CCDC178: variants seen among roughly 807,000 people sequenced by gnomAD.
The protein encoded by CCDC178 is coiled-coil domain containing 178.
Under a neutral mutation model 117.4 loss-of-function variants are expected in CCDC178, and 126 were observed. The ratio of observed to expected loss-of-function variants is 1.07; its 90% confidence interval spans 0.93 to 1.24. The LOEUF (loss-of-function observed/expected upper bound fraction) is 1.24, where lower values mean the gene tolerates loss of function less well. Ranked by LOEUF, CCDC178 falls within the 50% of genes most tolerant of loss-of-function variation. The pLI is 0.00. For missense variants in CCDC178, 1,030 were observed against 986.9 expected (o/e 1.04, Z -0.59); for synonymous variants, 283 against 313.4 (o/e 0.90, Z 1.02).
intron 14 of CCDC178, among the ~76,000 whole-genome samples, chr18:33,252,820 C>T (rs1014154853): frequency 1.3e-5 from 2 of 151,680 alleles, no homozygotes; most frequent in African/African-American, 4.8e-5. Flanking sequence ...TGGCTCACTG[C>T]AGTTACAATG....
intron 20 of CCDC178, among the ~76,000 whole-genome samples, chr18:33,203,518 C>G (rs2059015964): frequency 6.6e-6 from 1 of 152,010 alleles, no homozygotes; most frequent in Admixed American, 6.6e-5. Flanking sequence ...ATAATGACTT[C>G]ATTATCTTAT....
chr18:33,154,982 T>C (rs1777297978), intron 20 of CCDC178, among the ~76,000 whole-genome samples: 1 of 152,148 alleles, frequency 6.6e-6, no homozygotes, highest in African/African-American at 2.4e-5. Context: ...AAAAAAATCA[T>C]GAAGTTTATA....
chr18:32,960,782 C>T lies in CCDC178; in HGVS notation c.2523+13765G>A, dbSNP rs537917377. On this transcript the variant is annotated intron_variant, in intron 22 of 22. Coordinates refer to ENST00000383096, the MANE Select transcript of CCDC178 (RefSeq NM_001105528.4). Reference sequence around the variant, plus strand: ...GTCAATTTCACCACTTGGGATTAATCCTGCACGAACTTTCTAATTATGTTC... The same window carrying T: ...GTCAATTTCACCACTTGGGATTAATTCTGCACGAACTTTCTAATTATGTTC... 2.0e-5 allele frequency among the ~76,000 whole-genome samples: 3 copies of T among 152,150 alleles called. 1 individual carries two copies. In the South Asian group the frequency reaches 6.2e-4, roughly 32 times the overall value.
chr18:32,951,257 T>G (rs866114806), intron 22 of CCDC178, among the ~76,000 whole-genome samples: 1 of 152,204 alleles, frequency 6.6e-6, no homozygotes, highest in African/African-American at 2.4e-5. Flanking sequence ...CTTTTTATTA[T>G]TATAAATTTA....
chr18:33,249,020 A>G (rs1247880054), intron 14 of CCDC178, among the ~76,000 whole-genome samples: 26 of 152,274 alleles, frequency 1.7e-4, no homozygotes, highest in Admixed American at 1.2e-3. Context: ...ATGGCCAGTG[A>G]TGATGAGCAT....
chr18:33,052,932 C>T (rs1218253897), intron 21 of CCDC178, among the ~76,000 whole-genome samples: 3 of 152,132 alleles, frequency 2.0e-5, no homozygotes, highest in South Asian at 4.1e-4. Flanking sequence ...ATGTCCTTCC[C>T]TAGAAGATGC....
intron 2 of CCDC178, among the ~76,000 whole-genome samples, chr18:33,436,243 A>C (rs1289376127): frequency 6.6e-6 from 1 of 152,186 alleles, no homozygotes; most frequent in Admixed American, 6.5e-5. Flanking sequence ...AAAAAATACA[A>C]ACATGTCCAT....
intron 15 of CCDC178, among the ~76,000 whole-genome samples, chr18:33,229,739 T>C (rs909163162): frequency 6.6e-6 from 1 of 152,160 alleles, no homozygotes; most frequent in African/African-American, 2.4e-5. Context: ...AGGGCCTCCT[T>C]TAACATGAGG....
At chr18:33,112,263 A>G (rs1452214445) in intron 20 of CCDC178, among the ~76,000 whole-genome samples, 1 of 151,904 alleles carries the variant, frequency 6.6e-6, no homozygotes, top group Non-Finnish European at 1.5e-5. Context: ...CCACAGCCTC[A>G]GTCTCCTTCC....
intron 11 of CCDC178, among the ~76,000 whole-genome samples, chr18:33,294,239 T>C (rs1306265622): frequency 6.6e-6 from 1 of 152,144 alleles, no homozygotes; most frequent in African/African-American, 2.4e-5. Flanking sequence ...GTTATGGTTG[T>C]TTAATGGAGC....
At chr18:33,422,505 T>C (rs963124092) in intron 2 of CCDC178, among the ~76,000 whole-genome samples, 3 of 152,188 alleles carry the variant, frequency 2.0e-5, no homozygotes, top group African/African-American at 7.2e-5. Flanking sequence ...AATAGAACTT[T>C]CATGATGAAA....
At chr18:33,385,880 C>T (rs1361499461) in intron 5 of CCDC178, among the ~76,000 whole-genome samples, 1 of 152,124 alleles carries the variant, frequency 6.6e-6, no homozygotes. Context: ...AAGAGATAAA[C>T]ACATAAACAT....
At chr18:33,248,421 C>A (rs577923905) in intron 14 of CCDC178, among the ~76,000 whole-genome samples, 6 of 138,170 alleles carry the variant, frequency 4.3e-5, no homozygotes, top group Non-Finnish European at 6.3e-5. Flanking sequence ...ATCCCTCCCC[C>A]TTCCCTCACC....
At chr18:33,340,723 G>T (rs2062806072) in intron 9 of CCDC178, among the ~76,000 whole-genome samples, 2 of 152,228 alleles carry the variant, frequency 1.3e-5, no homozygotes, top group African/African-American at 4.8e-5. Flanking sequence ...AGCCTTGGCA[G>T]CTTCCACATG....
chr18:33,219,882 T>A (rs544744117), intron 18 of CCDC178, among the ~76,000 whole-genome samples: 1 of 151,994 alleles, frequency 6.6e-6, no homozygotes, highest in African/African-American at 2.4e-5. Context: ...TAAACAAACC[T>A]GCACATTGTG....
At chr18:33,211,575 C>T (rs894200341) in intron 20 of CCDC178, among the ~76,000 whole-genome samples, 8 of 151,552 alleles carry the variant, frequency 5.3e-5, no homozygotes, top group African/African-American at 1.9e-4. Flanking sequence ...TAACCATTCT[C>T]ATTCTCACAT....
chr18:33,100,123 T>C (rs184400042), intron 20 of CCDC178, among the ~76,000 whole-genome samples: 6 of 152,034 alleles, frequency 3.9e-5, no homozygotes, highest in Admixed American at 3.3e-4. Context: ...ATCATACCTG[T>C]CCCTGCCAGA....
intron 22 of CCDC178, among the ~76,000 whole-genome samples, chr18:32,950,497 T>C (rs2054456715): frequency 6.6e-6 from 1 of 152,214 alleles, no homozygotes; most frequent in African/African-American, 2.4e-5. Context: ...AATATGACTC[T>C]AGTTACTTCA....
At chr18:32,944,497 A>T (rs1193942641) in intron 22 of CCDC178, among the ~76,000 whole-genome samples, 1 of 152,206 alleles carries the variant, frequency 6.6e-6, no homozygotes, top group Non-Finnish European at 1.5e-5. Context: ...ATATTAATTG[A>T]GATGTGGCTA....
Sources: allele counts gnomAD v4.1 joint callset (sites outside exome capture counted in the v4.1 genomes callset), GRCh38; gene constraint gnomAD v4.1.1; transcripts MANE v1.5; gene names NCBI Gene and HGNC (gene_info 2026-07-23, HGNC 2026-07-21).